TLE2: variants seen among roughly 807,000 people sequenced by gnomAD.
The protein encoded by TLE2 is TLE family member 2, transcriptional corepressor.
Under a neutral mutation model 97.2 loss-of-function variants are expected in TLE2, and 74 were observed. That is an observed-to-expected ratio of 0.76 (90% CI 0.63 to 0.92). The LOEUF (loss-of-function observed/expected upper bound fraction) is 0.92. TLE2 is among the 40% of genes least tolerant of loss of function. TLE2 has a pLI of 0.00. For synonymous variants in TLE2, 499 were observed against 432.1 expected (o/e 1.15, Z -1.92); for missense variants, 1,038 against 1,008.7 (o/e 1.03, Z -0.39).
At chr19:3,047,172 A>G (rs7258928), upstream of TLE2, among the ~76,000 whole-genome samples, 45,609 of 52,112 alleles carry the variant, frequency 0.88, 20,067 homozygotes, top group African/African-American at 0.97. Flanking sequence ...CCCTCCCCCT[A>G]CCCTCCCCCG....
chr19:3,030,501 A>G (rs149589773), upstream of TLE2, among the ~76,000 whole-genome samples: 1,226 of 152,344 alleles, frequency 8.0e-3, 39 homozygotes, highest in Admixed American at 0.048. Flanking sequence ...AGCTGGGAAC[A>G]AAACAGAGAA....
At chr19:3,044,507 C>T (rs1222599693) in intron 1 of TLE2, among the ~76,000 whole-genome samples, 1 of 152,246 alleles carries the variant, frequency 6.6e-6, no homozygotes, top group Non-Finnish European at 1.5e-5. Context: ...GCACCCTCCA[C>T]CTCCCGGGTT....
At chr19:3,027,522 T>C (rs1335321628) in intron 4 of TLE2, among the ~76,000 whole-genome samples, 1 of 152,240 alleles carries the variant, frequency 6.6e-6, no homozygotes, top group Non-Finnish European at 1.5e-5. Context: ...CTGGCCTGGC[T>C]GCCCTGCCTC....
chr19:3,039,606 TG>T (rs1182847632), intron 1 of TLE2, among the ~76,000 whole-genome samples: 2 of 152,200 alleles, frequency 1.3e-5, no homozygotes, highest in African/African-American at 2.4e-5. Context: ...CTCGTGGCTC[TG>T]GGAACACATA....
rs2089799670 is a variant in TLE2 at position 3,019,771 on chromosome 19, A to C, written c.297T>G (p.His99Gln). The C allele has an allele frequency of 6.2e-7, 1 of 1,612,590 alleles. No individual in the cohort carries two copies. Among genetic ancestry groups the C allele is most frequent in the Non-Finnish European group, 8.5e-7 (1 of 1,179,466 alleles). The change falls in exon 6 of 20, where the codon CAT becomes CAG. Residue 99 changes from histidine to glutamine, a missense_variant and splice_region_variant. Physicochemically the swap from His to Gln is conservative, Grantham distance 24. Coordinates refer to ENST00000262953, the MANE Select transcript of TLE2 (RefSeq NM_003260.5). This position sits in a 1 kb window ranked among gnomAD's most constrained non-coding sequence, Gnocchi z 5.1. ...CTACGGCCTGGAGCACCTGCTGCTG[A>C]TGCTGGCGGGTGGAAGGGATCAGGT... ...AQIIPFLTQEHQQQVLQAVER... is the reference protein window; with the variant it reads ...AQIIPFLTQEQQQQVLQAVER...
chr19:3,024,561 T>G (rs1333113868), intron 5 of TLE2, among the ~76,000 whole-genome samples: 2 of 151,580 alleles, frequency 1.3e-5, no homozygotes, highest in African/African-American at 4.8e-5. Context: ...CCTCAGTGAC[T>G]TCTTCTAGCA....
At chr19:3,012,322 C>T (rs2089614188) in intron 11 of TLE2, among the ~76,000 whole-genome samples, 1 of 152,184 alleles carries the variant, frequency 6.6e-6, no homozygotes, top group Non-Finnish European at 1.5e-5. Flanking sequence ...CTCGAGTGAT[C>T]CTCCCGACTG....
At chr19:3,012,203 A>G (rs1361024686) in intron 11 of TLE2, among the ~76,000 whole-genome samples, 1 of 152,196 alleles carries the variant, frequency 6.6e-6, no homozygotes, top group Non-Finnish European at 1.5e-5. Flanking sequence ...CAGTGAGCCA[A>G]GATTGCGCCA....
At chr19:3,016,419 C>CAA (rs34669546) in intron 8 of TLE2, among the ~76,000 whole-genome samples, 32,314 of 91,258 alleles carry the variant, frequency 0.35, 5,991 homozygotes, top group East Asian at 0.58. Context: ...ACTAAAAATA[C>CAA]AAAAAAAAAA....
upstream of TLE2, among the ~76,000 whole-genome samples, chr19:3,033,122 C>G (rs1388385570): frequency 6.6e-6 from 1 of 151,856 alleles, no homozygotes; most frequent in Non-Finnish European, 1.5e-5. Context: ...AAGTGATTCT[C>G]CTGCCTCAGC....
chr19:3,009,544 CG>C lies in TLE2; in HGVS notation c.1170del (p.Val391Ter). The C allele has an allele frequency of 1.2e-6, 2 of 1,605,242 alleles. No homozygotes were observed. Among genetic ancestry groups the C allele is most frequent in the Non-Finnish European group, 1.7e-6 (2 of 1,176,018 alleles). ...VSSSVVYGRS[P>X]VMAFESHPHL... ...TGCGCCCCCACCCAAGGACTCACCA[CG>C]GGGGAGCGTCCGTACACCACAGAGC... On this transcript the variant is annotated frameshift_variant, in exon 13 of 20. Transcript: ENST00000262953. LOFTEE classifies it high-confidence loss of function.
chr19:3,044,680 G>A (rs1245911878), intron 1 of TLE2, among the ~76,000 whole-genome samples: 5 of 151,898 alleles, frequency 3.3e-5, no homozygotes, highest in South Asian at 2.1e-4. Context: ...TCGGCCTCCC[G>A]AAGCGCTGGG....
chr19:3,042,958 C>T (rs1444335672), intron 1 of TLE2, among the ~76,000 whole-genome samples: 1 of 152,004 alleles, frequency 6.6e-6, no homozygotes, highest in Non-Finnish European at 1.5e-5. Flanking sequence ...GGGGCGGTTT[C>T]AGCTCCCTTC....
chr19:3,019,805 C>T lies in TLE2; in HGVS notation c.295-32G>A. ...GGTGGAAGGGATCAGGTAGAGGGTA[C>T]ATTGAGCCCCTGCTCATGCTAGCGG... On this transcript the variant is annotated intron_variant, in intron 5 of 19. Coordinates refer to ENST00000262953, the MANE Select transcript of TLE2 (RefSeq NM_003260.5). The surrounding 1 kb of genome is among the most constrained non-coding windows in gnomAD (Gnocchi z 5.1). The T allele has an allele frequency of 6.2e-7, 1 of 1,600,814 alleles. No homozygotes were observed. Among genetic ancestry groups the T allele is most frequent in the Non-Finnish European group, 8.5e-7 (1 of 1,174,560 alleles).
chr19:3,034,903 G>A (rs1453080181), intron 1 of TLE2, among the ~76,000 whole-genome samples: 2 of 152,188 alleles, frequency 1.3e-5, no homozygotes, highest in Non-Finnish European at 2.9e-5. Context: ...GTCAGTGTCA[G>A]CACAGGAGCG....
chr19:3,006,260 C>A, intron 15 of TLE2, 160 bp downstream of exon 15: 2 of 1,277,052 alleles, frequency 1.6e-6, no homozygotes, highest in Non-Finnish European at 2.2e-6. Context: ...CTTTGGCCTG[C>A]AAGCCTTGTC....
Position 3,007,429 on chromosome 19 carries a change from T to C in TLE2, c.1251-760A>G, listed in dbSNP as rs183220795. On this transcript the variant is annotated intron_variant, in intron 14 of 19. Transcript: ENST00000262953. ...TAAAGTAATTTTCTCTGTTATTATT[T>C]TGTAGAGATGAGGTCTTGCTATGTT... Among the ~76,000 whole-genome samples, 4 of 152,200 alleles carry C rather than the reference T, an allele frequency of 2.6e-5. No homozygotes were observed. In the East Asian group the frequency reaches 7.8e-4, roughly 30 times the overall value.
Position 2,998,364 on chromosome 19 carries a change from G to A in TLE2, c.2125-409C>T, listed in dbSNP as rs534463588. Among the ~76,000 whole-genome samples the A allele has an allele frequency of 3.0e-4, 45 of 149,226 alleles. 1 individual carries two copies. In the South Asian group the frequency reaches 3.9e-3, roughly 13 times the overall value. On this transcript the variant is annotated intron_variant, in intron 19 of 19. Coordinates refer to ENST00000262953, the MANE Select transcript of TLE2 (RefSeq NM_003260.5). ...GTGATCTCTGCTCACTGCAACCTCC[G>A]CCTCCCAGGTTCAGGCAATCCTCCT...
chr19:3,004,515 T>C (rs2145122224), intron 17 of TLE2, among the ~76,000 whole-genome samples: 1 of 151,432 alleles, frequency 6.6e-6, no homozygotes, highest in African/African-American at 2.4e-5. Context: ...GGTGCGTTCC[T>C]GTAGTCCCAG....
Sources: gnomAD v4.1 joint callset for allele counts (sites outside exome capture counted in the v4.1 genomes callset) on GRCh38, gnomAD v4.1.1 for gene constraint, Gnocchi (gnomAD v3.1) non-coding constraint, MANE v1.5 for transcripts, NCBI Gene and HGNC (gene_info 2026-07-23, HGNC 2026-07-21) for gene names.